The following TNC variants were observed in gnomAD, a reference collection of about 807,000 sequenced individuals.
The protein encoded by TNC is tenascin.
A neutral mutation model predicts 202.4 loss-of-function variants in TNC; 109 were observed. The ratio of observed to expected loss-of-function variants is 0.54; its 90% CI spans 0.46 to 0.63. The LOEUF is 0.63. Among genes scored for constraint, TNC ranks in the 30% least tolerant of loss-of-function variants. TNC has a pLI of 0.00. For missense variants in TNC, 2,756 were observed against 2,833.3 expected, an observed-to-expected ratio of 0.97 and a Z score of 0.62; for synonymous variants, 1,007 against 1,089.7, an observed-to-expected ratio of 0.92 and a Z score of 1.50.
At chr9:115,100,620 C>A (rs982145545) in intron 1 of TNC, among the ~76,000 whole-genome samples, 1 of 152,120 alleles carries the variant, frequency 6.6e-6, no homozygotes, top group African/African-American at 2.4e-5. Flanking sequence ...TTCCTCTAGA[C>A]CATTGGGAGG....
rs1212956570 is a variant in TNC at position 115,118,103 on chromosome 9, C to G, written c.-258G>C. On this transcript the variant is annotated 5_prime_UTR_variant, in exon 1 of 28. Transcript: ENST00000350763. ...AGCGCTGCCTTTGTGCCCACGGAGG[C>G]GGGGGCGTGTATCTGCGCGCGGGAG... 1 of 152,230 alleles carries G rather than the reference C, an allele frequency of 6.6e-6. No individual in the cohort carries two copies. Among genetic ancestry groups the G allele is most frequent in the African/African-American group, 2.4e-5 (1 of 41,418 alleles). 9.4% of individuals were successfully genotyped at this position (152,230 alleles called of 1,614,324 possible).
chr9:115,070,896 A>C (rs147593403), intron 10 of TNC, among the ~76,000 whole-genome samples: 7 of 152,296 alleles, frequency 4.6e-5, no homozygotes, highest in African/African-American at 1.7e-4. Flanking sequence ...TTCTTTAGCT[A>C]TTCCATTTAA....
rs529804339 is a variant in TNC, at chr9:115,029,897, A to G, written c.6072+357T>C. Among the ~76,000 whole-genome samples, 11 of 152,348 alleles carry G rather than the reference A, an allele frequency of 7.2e-5. No homozygotes were observed. In the South Asian group the frequency reaches 1.5e-3, roughly 20 times the overall value. ...TAATGGGGTCGGAATAATTCATCTT[A>G]AACTCTTAGCACAGTGCCTGGTAGA... is the stretch of plus-strand genomic sequence containing the variant. On this transcript the variant is annotated intron_variant, in intron 24 of 27. Transcript: ENST00000350763.
At chr9:115,065,435 A>G (rs1832876001) in intron 10 of TNC, among the ~76,000 whole-genome samples, 2 of 152,094 alleles carry the variant, frequency 1.3e-5, no homozygotes, top group Non-Finnish European at 2.9e-5. Flanking sequence ...CTTCATGCAT[A>G]TTTGGGTTTT....
chr9:115,076,284 G>A (rs1345893574), intron 8 of TNC, 106 bp downstream of exon 8: 3 of 1,447,478 alleles, frequency 2.1e-6, no homozygotes, highest in Non-Finnish European at 2.9e-6. Context: ...CAGGAAATTG[G>A]ACTTATTTCT....
At chr9:115,059,094 T>C (rs1195466067) in intron 14 of TNC, among the ~76,000 whole-genome samples, 2 of 152,136 alleles carry the variant, frequency 1.3e-5, no homozygotes, top group Non-Finnish European at 2.9e-5. Flanking sequence ...TTCTCTTTGG[T>C]ACAGTCTCCA....
chr9:115,080,350 TCTAC>T (rs1253423974), intron 6 of TNC, among the ~76,000 whole-genome samples: 1 of 152,174 alleles, frequency 6.6e-6, no homozygotes, highest in Non-Finnish European at 1.5e-5. Flanking sequence ...TACCTGCTTT[TCTAC>T]CTACCACAGA....
At chr9:115,048,597 G>A (rs746686101) in intron 15 of TNC, 65 bp from the exon 16 acceptor site, 36 of 1,493,672 alleles carry the variant, frequency 2.4e-5, no homozygotes, top group Admixed American at 2.3e-4. Context: ...GATAGCACAC[G>A]TTTCCAAGAA....
chr9:115,050,899 A>G (rs1831597669), intron 15 of TNC, among the ~76,000 whole-genome samples: 1 of 152,138 alleles, frequency 6.6e-6, no homozygotes, highest in Non-Finnish European at 1.5e-5. Flanking sequence ...GGAGAGGTTT[A>G]GAAACCACAA....
At chr9:115,078,542 C>T (rs1438311185) in intron 6 of TNC, among the ~76,000 whole-genome samples, 1 of 150,626 alleles carries the variant, frequency 6.6e-6, no homozygotes, top group Non-Finnish European at 1.5e-5. Context: ...TTACTGTTCT[C>T]ATAAGTTGAG....
rs569765246 is a variant in TNC, at chr9:115,073,939, T to C, written c.2951-73A>G. ...GCTGCTTCTGGGGCTGAAAGTCAAC[T>C]GCATCTGGGCTGGAATCCTAGGTCT... is the stretch of plus-strand genomic sequence containing the variant. On this transcript the variant is annotated intron_variant, in intron 9 of 27. Coordinates refer to ENST00000350763, the MANE Select transcript of TNC (RefSeq NM_002160.4). 6.7e-6 allele frequency: 10 copies of C among 1,493,426 alleles called. No homozygotes were observed. The East Asian group carries it at 2.3e-4, about 34-fold the overall frequency. The allele number at this position is 1,493,426 out of a possible 1,614,324, so 92.5% of individuals were successfully genotyped here. A position where few individuals can be genotyped will look rare whatever the true frequency, so the allele number is the denominator to read the frequency against.
In TNC at chr9:115,076,032, C is replaced by T. The variant is rs1208819650; in HGVS notation, c.2950G>A (p.Glu984Lys). The T allele has an allele frequency of 1.2e-6, 2 of 1,614,024 alleles. No homozygotes were observed. The highest frequency in any genetic ancestry group is 8.5e-7 in the Non-Finnish European group (1 of 1,179,922). The change falls in exon 9 of 28, where the codon GAG (glutamate) becomes AAG (lysine). Residue 984 changes from glutamate (E) to lysine (K), a missense_variant and splice_region_variant. By Grantham distance (56) the Glu-to-Lys change is moderately conservative. This residue lies in a region of TNC where 2,559 missense variants were observed against 2,546.0 expected (regional missense o/e 1.01). Coordinates refer to ENST00000350763, the MANE Select transcript of TNC (RefSeq NM_002160.4). ...GATGGGAATTCCAGGTGTGCCCCAC[C>T]TGTGGCTGCGTTGATGGTCGCTGGA... ...SNPATINAAT[E>K]LDTPKDLQVS...
In TNC at chr9:115,049,864, T is replaced by G. The variant is rs552105770; in HGVS notation, c.4580-1332A>C. Among the ~76,000 whole-genome samples, 15 of 152,258 alleles carry G rather than the reference T, an allele frequency of 9.9e-5. No individual in the cohort carries two copies. In the South Asian group the frequency reaches 2.5e-3, roughly 25 times the overall value. ...AGAAAAATGTTTTAAAAAGAAGTGT[T>G]TGGTGACTGAATGAATAAGGGAATG... On this transcript the variant is annotated intron_variant, in intron 15 of 27. Transcript: ENST00000350763.
At position 115,081,758 on chromosome 9, in the gene TNC, A is replaced by T. The variant is rs370262982; in HGVS notation, c.2404+14T>A. 1.4e-4 allele frequency: 221 copies of T among 1,613,668 alleles called. No individual in the cohort carries two copies. Among genetic ancestry groups the T allele is most frequent in the Non-Finnish European group, 2.0e-5 (24 of 1,179,824 alleles). On this transcript the variant is annotated intron_variant, in intron 6 of 27. Transcript: ENST00000350763. ...CAGCCTTATCATTCTATAAGTATTA[A>T]AGGTGATACTCACGTGTGGTGGTCA...
intron 22 of TNC, among the ~76,000 whole-genome samples, chr9:115,034,087 A>G (rs749215512): frequency 1.3e-5 from 2 of 152,246 alleles, no homozygotes; most frequent in Non-Finnish European, 2.9e-5. Context: ...AGTCTAAATG[A>G]CTGCCCTTTC....
Position 115,084,420 on chromosome 9 carries a change from G to A in TNC, c.1920C>T (p.Asn640=), listed in dbSNP as rs1588156604. Residue 640 remains asparagine, a synonymous_variant, in exon 4 of 28, where the codon AAC becomes AAT. Transcript: ENST00000350763. ...VVTEVTEETV[N]LAWDNEMRVT... ...CCCGCATCTCATTGTCCCAGGCCAG[G>A]TTGACCGTCTCTTCCGTCACTTCTG... is the stretch of plus-strand genomic sequence containing the variant. The A allele has an allele frequency of 6.2e-7, 1 of 1,614,178 alleles. No individual in the cohort carries two copies. The highest frequency in any genetic ancestry group is 8.5e-7 in the Non-Finnish European group (1 of 1,180,034).
Position 115,062,952 on chromosome 9 carries a change from T to A in TNC, c.3998A>T (p.His1333Leu). ...CTCTACAGCAAGGGGTCGAGTGCTG[T>A]GGCCCCTGACCTCGCCGTGCAGGGT... ...TVTLHGEVRG[H>L]STRPLAVEVV... Residue 1333 changes from histidine to leucine, a missense_variant, in exon 13 of 28, where the codon CAC becomes CTC. His to Leu is a moderately conservative substitution (Grantham distance 99, BLOSUM62 -3). Coordinates refer to ENST00000350763, the MANE Select transcript of TNC (RefSeq NM_002160.4). The A allele has an allele frequency of 6.2e-7, 1 of 1,614,026 alleles. No homozygotes were observed. The highest frequency in any genetic ancestry group is 8.5e-7 in the Non-Finnish European group (1 of 1,179,982).
At chr9:115,106,737 C>T (rs1836646026) in intron 1 of TNC, among the ~76,000 whole-genome samples, 2 of 152,138 alleles carry the variant, frequency 1.3e-5, no homozygotes, top group Non-Finnish European at 2.9e-5. Context: ...ACACTATGTA[C>T]TATCTAAAAA....
chr9:115,032,112 T>C (rs895574235), intron 22 of TNC, among the ~76,000 whole-genome samples: 3 of 152,270 alleles, frequency 2.0e-5, no homozygotes, highest in African/African-American at 7.2e-5. Context: ...TCTATGTTTC[T>C]GTGAAGGGGG....
Sources: gnomAD v4.1 joint callset for allele counts (sites outside exome capture counted in the v4.1 genomes callset) on GRCh38, gnomAD v4.1.1 for gene constraint, gnomAD v4.1.1 regional missense constraint, MANE v1.5 for transcripts, NCBI Gene and HGNC (gene_info 2026-07-23, HGNC 2026-07-21) for gene names.